Variants in HYDIN observed in about 807,000 individuals in gnomAD.
HYDIN encodes the protein HYDIN axonemal central pair apparatus protein.
Under a neutral mutation model 403.9 loss-of-function variants are expected in HYDIN, and 132 were observed. That is an observed-to-expected ratio of 0.33 (90% CI 0.28 to 0.38). The LOEUF is 0.38. Ranked by LOEUF, HYDIN falls within the 10% of genes least tolerant of loss-of-function variation. The pLI is 1.00. For synonymous variants in HYDIN, 1,202 were observed against 1,891.7 expected (o/e 0.64, Z 9.46); for missense variants, 2,827 against 5,009.5 (o/e 0.56, Z 13.15).
chr16:71,055,815 G>C (rs1040888381), intron 18 of HYDIN, among the ~76,000 whole-genome samples: 9 of 151,874 alleles, frequency 5.9e-5, no homozygotes, highest in Middle Eastern at 3.2e-3. Flanking sequence ...CCCAAGGTTT[G>C]AGCTAAAGGT....
At chr16:71,115,483 A>G (rs1231326154) in intron 10 of HYDIN, among the ~76,000 whole-genome samples, 2 of 152,172 alleles carry the variant, frequency 1.3e-5, no homozygotes, top group African/African-American at 4.8e-5. Flanking sequence ...TGCCACCATA[A>G]TTGTAAAGCA....
At chr16:71,177,012 G>A (rs1264487040) in intron 4 of HYDIN, among the ~76,000 whole-genome samples, 2 of 152,206 alleles carry the variant, frequency 1.3e-5, no homozygotes, top group African/African-American at 4.8e-5. Flanking sequence ...TGGCATGAGG[G>A]TCCTGGAGTC....
chr16:71,090,418 A>T (rs1256844560), intron 11 of HYDIN: 2 of 151,492 alleles, frequency 1.3e-5, no homozygotes, highest in East Asian at 3.9e-4. Flanking sequence ...AATTAAATTT[A>T]TTAATTTATG....
chr16:71,101,679 A>G (rs183454477), intron 10 of HYDIN, among the ~76,000 whole-genome samples: 45 of 152,314 alleles, frequency 3.0e-4, no homozygotes, highest in Non-Finnish European at 5.4e-4. Flanking sequence ...CAAAATTTTA[A>G]AAGTTGATCA....
chr16:70,860,195 A>T lies in HYDIN; in HGVS notation c.12002T>A (p.Ile4001Asn). 6.2e-7 allele frequency: 1 copy of T among 1,614,036 alleles called. No homozygotes were observed. ...IGGKNLRTFT[I>N]LNPTNSTYSF... Reference sequence around the variant, plus strand: ...GTAGGTGCTATTGGTTGGGTTTAGGATGGTAAAGGTCCTGGCCAGGGTGGA... The same window carrying T: ...GTAGGTGCTATTGGTTGGGTTTAGGTTGGTAAAGGTCCTGGCCAGGGTGGA... Residue 4001 changes from isoleucine (I) to asparagine (N), a missense_variant, in exon 71 of 86, where the codon ATC (isoleucine) becomes AAC (asparagine). Coordinates refer to ENST00000393567, the MANE Select transcript of HYDIN (RefSeq NM_001270974.2).
Position 70,862,077 on chromosome 16 carries a change from A to C in HYDIN, c.11748T>G (p.Ile3916Met). The stretch of plus-strand genomic sequence containing the variant: ...AGAAAAGGTTGCTCTCGAAGTCTCC[A>C]ATGTCCAACGGGGAGAATTTTACTT... ...KFKVKFSPLD[I>M]GDFESNLFCQ... Residue 3916 changes from isoleucine (I) to methionine (M), a missense_variant, in exon 69 of 86, where the codon ATT becomes ATG. By Grantham distance (10) the Ile-to-Met change is conservative. Coordinates refer to ENST00000393567, the MANE Select transcript of HYDIN (RefSeq NM_001270974.2). 1 of 1,603,030 alleles carries C rather than the reference A, an allele frequency of 6.2e-7. No individual in the cohort carries two copies. Among genetic ancestry groups the C allele is most frequent in the Non-Finnish European group, 8.5e-7 (1 of 1,174,726 alleles).
chr16:71,046,601 G>A (rs1013525788), intron 18 of HYDIN, among the ~76,000 whole-genome samples: 15 of 152,176 alleles, frequency 9.9e-5, no homozygotes, highest in African/African-American at 3.6e-4. Context: ...GTTTTATCAT[G>A]TCACATACAC....
intron 7 of HYDIN, among the ~76,000 whole-genome samples, chr16:71,148,440 T>C (rs1454924907): frequency 2.0e-5 from 3 of 152,170 alleles, no homozygotes; most frequent in African/African-American, 7.2e-5. Flanking sequence ...AAAACTATTA[T>C]TATCTGCAGA....
At chr16:71,070,535 G>A (rs532291032) in intron 13 of HYDIN, among the ~76,000 whole-genome samples, 33 of 133,466 alleles carry the variant, frequency 2.5e-4, no homozygotes, top group Non-Finnish European at 4.6e-4. Context: ...CACCATGTTG[G>A]CCAGGCTGCT....
rs1224067333 is a variant in HYDIN at position 70,936,133 on chromosome 16, AG to A, written c.6996-20del. The stretch of plus-strand genomic sequence containing the variant: ...CTGCTCCCTTCATCAAACCAGGCAG[AG>A]AAAAAACAGTTCAGGGGCCCCCATG... On this transcript the variant is annotated intron_variant, in intron 44 of 85. Coordinates refer to ENST00000393567, the MANE Select transcript of HYDIN (RefSeq NM_001270974.2). The A allele has an allele frequency of 2.1e-6, 2 of 946,284 alleles. No individual in the cohort carries two copies. The highest frequency in any genetic ancestry group is 3.4e-6 in the Non-Finnish European group (2 of 593,036). The allele number at this position is 946,284 out of a possible 1,614,324, so 58.6% of individuals were successfully genotyped here. A position where few individuals can be genotyped will look rare whatever the true frequency, so the allele number is the denominator to read the frequency against.
At chr16:70,863,429 C>A (rs567251489) in intron 67 of HYDIN, among the ~76,000 whole-genome samples, 40 of 152,296 alleles carry the variant, frequency 2.6e-4, no homozygotes, top group African/African-American at 6.7e-4. Flanking sequence ...CTTTTGCATT[C>A]TTCCAACACC....
At chr16:70,989,843 C>T (rs1308502062) in intron 25 of HYDIN, among the ~76,000 whole-genome samples, 2 of 152,192 alleles carry the variant, frequency 1.3e-5, no homozygotes, top group Non-Finnish European at 1.5e-5. Context: ...AGAACCAGTT[C>T]TATATCCTGA....
chr16:70,882,951 G>T, intron 59 of HYDIN, 56 bp from the exon 60 acceptor site: 1 of 1,369,780 alleles, frequency 7.3e-7, no homozygotes, highest in Non-Finnish European at 1.0e-6. Context: ...TTCCCACTCT[G>T]TGATTCCTAA....
chr16:71,229,281 T>C (rs1161434072), intron 1 of HYDIN, among the ~76,000 whole-genome samples: 2 of 152,116 alleles, frequency 1.3e-5, no homozygotes, highest in African/African-American at 4.8e-5. Context: ...GTTGTGCACA[T>C]ATACCCTAGA....
At chr16:70,905,060 AGGTCAC>A (rs1160925254) in intron 50 of HYDIN, among the ~76,000 whole-genome samples, 2 of 152,188 alleles carry the variant, frequency 1.3e-5, no homozygotes, top group African/African-American at 4.8e-5. Context: ...ACATCATCAG[AGGTCAC>A]GGCACAGGCT....
At position 70,972,661 on chromosome 16, in the gene HYDIN, C is replaced by A. The variant is rs1174237491; in HGVS notation, c.5379+682G>T. Among the ~76,000 whole-genome samples the A allele has an allele frequency of 3.9e-5, 6 of 152,086 alleles. No individual in the cohort carries two copies. In the East Asian group the frequency reaches 1.2e-3, roughly 29 times the overall value. On this transcript the variant is annotated intron_variant, in intron 35 of 85. Transcript: ENST00000393567. ...ACTGTGCATTTAATCTTCAAAATGA[C>A]CTTAGGAGGTAGTCATTACAGGTTG... is the stretch of plus-strand genomic sequence containing the variant.
intron 18 of HYDIN, among the ~76,000 whole-genome samples, chr16:71,042,781 G>A (rs2081328686): frequency 6.6e-6 from 1 of 152,120 alleles, no homozygotes; most frequent in African/African-American, 2.4e-5. Context: ...CCATCTTCTT[G>A]GAGACAAATC....
chr16:70,812,008 A>G (rs993204329), intron 84 of HYDIN, among the ~76,000 whole-genome samples: 1 of 97,466 alleles, frequency 1.0e-5, no homozygotes, highest in Non-Finnish European at 2.0e-5. Context: ...CCAGACAATC[A>G]AGGATGAAAG....
chr16:70,918,175 T>C (rs2076896767), intron 47 of HYDIN, 36 bp downstream of exon 47: 1 of 516,850 alleles, frequency 1.9e-6, no homozygotes, highest in Admixed American at 3.3e-5. Context: ...GCTGAAGTCC[T>C]GCCAAGGTTA....
Sources: gnomAD v4.1 joint callset for allele counts (sites outside exome capture counted in the v4.1 genomes callset) on GRCh38, gnomAD v4.1.1 for gene constraint, MANE v1.5 for transcripts, NCBI Gene and HGNC (gene_info 2026-07-23, HGNC 2026-07-21) for gene names.